The following CELF2 variants were observed in gnomAD, a reference collection of about 807,000 sequenced individuals.
The protein encoded by CELF2 is CUGBP Elav-like family member 2.
A neutral mutation model predicts 62.6 loss-of-function variants in CELF2; 8 were observed. The ratio of observed to expected loss-of-function variants is 0.13; its 90% CI spans 0.07 to 0.23. The LOEUF (loss-of-function observed/expected upper bound fraction) is 0.23, where lower values mean the gene tolerates loss of function less well. Among genes scored for constraint, CELF2 ranks in the 10% least tolerant of loss-of-function variants. The probability of loss-of-function intolerance (pLI) is 1.00; values close to 1 mark genes in which losing one functional copy is unlikely to be tolerated. For missense variants in CELF2, 333 were observed against 671.0 expected (o/e 0.50, Z 5.56); for synonymous variants, 258 against 250.0 (o/e 1.03, Z -0.30).
rs539248101 is a variant in CELF2, at chr10:11,329,591, C to G, written c.*538C>G. 2.6e-5 allele frequency: 4 copies of G among 152,736 alleles called. No homozygotes were observed. Among genetic ancestry groups the G allele is most frequent in the Non-Finnish European group, 5.9e-5 (4 of 68,026 alleles). The allele number at this position is 152,736 out of a possible 1,614,324, so 9.5% of individuals were successfully genotyped here. On this transcript the variant is annotated 3_prime_UTR_variant, in exon 13 of 13. Coordinates refer to ENST00000633077, the MANE Select transcript of CELF2 (RefSeq NM_001326342.2). This position sits in a 1 kb window ranked among gnomAD's most constrained non-coding sequence, Gnocchi z 5.5. ...AGCCAGGAGAAGCACTTACTCCAAC[C>G]ACACGTCTTTCCACTACATCGGCTT...
the CELF2 span, among the ~76,000 whole-genome samples, chr10:10,485,969 A>T: frequency 1.3e-5 from 2 of 152,222 alleles, no homozygotes; most frequent in African/African-American, 4.8e-5. Flanking sequence ...TTCTATACTC[A>T]GCAGTCATGT....
At chr10:11,327,870 A>G (rs557414665) in intron 12 of CELF2, among the ~76,000 whole-genome samples, 1 of 152,316 alleles carries the variant, frequency 6.6e-6, no homozygotes, top group Non-Finnish European at 1.5e-5. Flanking sequence ...TTTAGCTTTA[A>G]TAGCAGATGG....
chr10:10,985,905 A>G (rs1029369865), intron 2 of CELF2, among the ~76,000 whole-genome samples: 3 of 152,214 alleles, frequency 2.0e-5, no homozygotes, highest in African/African-American at 7.2e-5. Context: ...ACCATAGAAT[A>G]GGCATGTGGG....
At chr10:10,799,456 C>T (rs1021534849) in intron 1 of CELF2, among the ~76,000 whole-genome samples, 4 of 151,908 alleles carry the variant, frequency 2.6e-5, no homozygotes, top group African/African-American at 9.7e-5. Flanking sequence ...TGCACTCCAG[C>T]CTGTGCAACA....
the CELF2 span, among the ~76,000 whole-genome samples, chr10:10,679,451 G>A: frequency 3.4e-3 from 518 of 152,102 alleles, 24 homozygotes; most frequent in East Asian, 0.071. Context: ...CACCATGCCC[G>A]GCTAATTTTT....
At chr10:10,702,583 T>G in the CELF2 span, among the ~76,000 whole-genome samples, 1 of 152,214 alleles carries the variant, frequency 6.6e-6, no homozygotes, top group Non-Finnish European at 1.5e-5. Flanking sequence ...AAAATTTTAT[T>G]AGAACTCAGG....
At chr10:10,696,543 TCC>T in the CELF2 span, among the ~76,000 whole-genome samples, 61 of 151,956 alleles carry the variant, frequency 4.0e-4, no homozygotes, top group Non-Finnish European at 8.1e-4. Context: ...AGTTCGAGCT[TCC>T]CTGCTGCTTT....
chr10:10,534,326 T>G, the CELF2 span, among the ~76,000 whole-genome samples: 1 of 150,720 alleles, frequency 6.6e-6, no homozygotes, highest in Non-Finnish European at 1.5e-5. Context: ...GAGGTGAAAA[T>G]AGCAAAATAA....
intron 1 of CELF2, among the ~76,000 whole-genome samples, chr10:11,055,346 A>AT (rs1404763355): frequency 7.2e-5 from 11 of 152,188 alleles, no homozygotes; most frequent in Admixed American, 3.3e-4. Flanking sequence ...TTTCCTCATA[A>AT]TCTGCATTTC....
At chr10:10,512,841 T>A in the CELF2 span, among the ~76,000 whole-genome samples, 2 of 152,212 alleles carry the variant, frequency 1.3e-5, no homozygotes, top group Non-Finnish European at 1.5e-5. Context: ...TCAGAAGATT[T>A]AAAGATTAGC....
the CELF2 span, among the ~76,000 whole-genome samples, chr10:10,710,630 T>TC: frequency 6.6e-6 from 1 of 152,174 alleles, no homozygotes; most frequent in Non-Finnish European, 1.5e-5. Flanking sequence ...ATTTTTTTTT[T>TC]CTCACTGTTG....
In CELF2 at chr10:11,319,537, A is replaced by G. The variant is rs983865219; in HGVS notation, c.1097-1652A>G. ...CTTACTTGCATGACCCAAAGAAAAC[A>G]TTAATGAAAATCTCAATGATTTTCA... On this transcript the variant is annotated intron_variant, in intron 10 of 12. Transcript: ENST00000633077. This position sits in a 1 kb window ranked among gnomAD's most constrained non-coding sequence, Gnocchi z 4.4. Among the ~76,000 whole-genome samples the G allele has an allele frequency of 3.3e-5, 5 of 152,176 alleles. No individual in the cohort carries two copies. The highest frequency in any genetic ancestry group is 6.5e-5 in the Admixed American group (1 of 15,284).
the CELF2 span, among the ~76,000 whole-genome samples, chr10:10,595,281 C>A: frequency 6.6e-6 from 1 of 151,802 alleles, no homozygotes; most frequent in Non-Finnish European, 1.5e-5. Flanking sequence ...AAGAACTTGA[C>A]ATACAAAGGG....
chr10:11,068,170 G>A (rs892200184), intron 1 of CELF2, among the ~76,000 whole-genome samples: 2 of 152,194 alleles, frequency 1.3e-5, no homozygotes, highest in Admixed American at 1.3e-4. Context: ...AGATGCTGAG[G>A]AAACACAGTC....
the CELF2 span, among the ~76,000 whole-genome samples, chr10:10,600,917 G>A: frequency 2.0e-5 from 3 of 152,198 alleles, no homozygotes. Flanking sequence ...ACAGAGAGGT[G>A]CAGTCATCTG....
At chr10:11,283,779 A>G (rs907704178) in intron 8 of CELF2, among the ~76,000 whole-genome samples, 8 of 147,404 alleles carry the variant, frequency 5.4e-5, no homozygotes, top group Non-Finnish European at 1.0e-4. Flanking sequence ...GTGCCAGATC[A>G]TAGATGGATG....
At chr10:11,143,547 A>G (rs1244200365) in intron 1 of CELF2, among the ~76,000 whole-genome samples, 1 of 152,196 alleles carries the variant, frequency 6.6e-6, no homozygotes, top group Non-Finnish European at 1.5e-5. Flanking sequence ...TTTCCACCCC[A>G]GAAGAATTAG....
At chr10:11,245,617 TC>T (rs2075359801) in intron 3 of CELF2, among the ~76,000 whole-genome samples, 1 of 152,218 alleles carries the variant, frequency 6.6e-6, no homozygotes, top group African/African-American at 2.4e-5. Flanking sequence ...CACTGCTGCT[TC>T]GCAGAGCCTT....
At chr10:10,932,501 A>G (rs1418049121) in intron 2 of CELF2, among the ~76,000 whole-genome samples, 2 of 152,222 alleles carry the variant, frequency 1.3e-5, no homozygotes, top group East Asian at 3.8e-4. Flanking sequence ...AGACATCACA[A>G]TGTACCCTAT....
Sources: allele counts gnomAD v4.1 joint callset (sites outside exome capture counted in the v4.1 genomes callset), GRCh38; gene constraint gnomAD v4.1.1; non-coding constraint Gnocchi (gnomAD v3.1); transcripts MANE v1.5; gene names NCBI Gene and HGNC (gene_info 2026-07-23, HGNC 2026-07-21).